SFI1: variants seen among roughly 807,000 people sequenced by gnomAD.
SFI1 encodes SFI1 centrin binding protein.
SFI1 carries 195 observed loss-of-function variants against 207.5 expected under a neutral mutation model. The observed-to-expected ratio is 0.94, with a 90% CI of 0.84 to 1.06. The LOEUF (loss-of-function observed/expected upper bound fraction) is 1.06, where lower values mean the gene tolerates loss of function less well. Ranked by LOEUF, SFI1 falls within the 50% of genes least tolerant of loss-of-function variation. The pLI is 0.00. For missense variants in SFI1, 1,634 were observed against 1,588.0 expected (o/e 1.03, Z -0.49); for synonymous variants, 630 against 598.9 (o/e 1.05, Z -0.76).
At chr22:31,531,543 T>C (rs980452709) in intron 4 of SFI1, among the ~76,000 whole-genome samples, 5 of 152,160 alleles carry the variant, frequency 3.3e-5, no homozygotes, top group Non-Finnish European at 7.3e-5. Context: ...GTGAATCATC[T>C]GAGGTTAGGA....
chr22:31,600,374 A>C (rs1382770309), intron 15 of SFI1, among the ~76,000 whole-genome samples: 3 of 152,042 alleles, frequency 2.0e-5, no homozygotes, highest in Non-Finnish European at 4.4e-5. Context: ...GTGTTTTTAT[A>C]CTAAGGTCAA....
rs1228347191 is a variant in SFI1, at chr22:31,603,755, G to C, written c.1817G>C (p.Arg606Thr). ...CCATCTCCCCACAGGAGGACGGGCA[G>C]GGTGCGGGCAGCAGAATTCCACATG... is the stretch of plus-strand genomic sequence containing the variant. Reference protein sequence around the residue: ...AQGLRTERTGRVRAAEFHMAQ... With the variant: ...AQGLRTERTGTVRAAEFHMAQ... Residue 606 changes from arginine to threonine, a missense_variant, in exon 18 of 33, where the codon AGG becomes ACG. By Grantham distance (71) the Arg-to-Thr change is moderately conservative (BLOSUM62 -1). Coordinates refer to ENST00000400288, the MANE Select transcript of SFI1 (RefSeq NM_001007467.3). The C allele has an allele frequency of 6.5e-7, 1 of 1,541,266 alleles. No individual in the cohort carries two copies. The highest frequency in any genetic ancestry group is 8.6e-7 in the Non-Finnish European group (1 of 1,157,196).
At position 31,575,369 on chromosome 22, in the gene SFI1, G is replaced by A. The variant is rs200708380; in HGVS notation, c.1061G>A (p.Arg354His). ...EKLARKMALR[R>H]AFTHWKHYML... ...CTGGCCAGGAAGATGGCCCTGCGGC[G>A]CGCCTTTACTCACTGGAAACACTGT... Residue 354 changes from arginine to histidine, a missense_variant, in exon 10 of 33, where the codon CGC (arginine) becomes CAC (histidine). Arg to His is a conservative substitution (Grantham distance 29). Coordinates refer to ENST00000400288, the MANE Select transcript of SFI1 (RefSeq NM_001007467.3). 9.6e-5 allele frequency: 155 copies of A among 1,610,716 alleles called. No homozygotes were observed. The highest frequency in any genetic ancestry group is 1.8e-4 in the Middle Eastern group (1 of 5,630).
chr22:31,497,107 C>G (rs1316202965), intron 1 of SFI1: 1 of 152,250 alleles, frequency 6.6e-6, no homozygotes, highest in Non-Finnish European at 1.5e-5. Flanking sequence ...GAAGCCTTCC[C>G]CGCGTGGGAG....
rs572795355 is a variant in SFI1, at chr22:31,557,828, AT to A, written c.662+770del. On this transcript the variant is annotated intron_variant, in intron 7 of 32. Coordinates refer to ENST00000400288, the MANE Select transcript of SFI1 (RefSeq NM_001007467.3). Reference sequence around the variant, plus strand: ...TAACTGGTCTTCTGCATTGCAGCCCATCAGCATTGTAGACATACTGGAAGAA... The same window carrying A: ...TAACTGGTCTTCTGCATTGCAGCCCACAGCATTGTAGACATACTGGAAGAA... Among the ~76,000 whole-genome samples, 4 of 152,174 alleles carry A rather than the reference AT, an allele frequency of 2.6e-5. No homozygotes were observed. In the South Asian group the frequency reaches 8.3e-4, roughly 31 times the overall value.
chr22:31,611,617 C>T, intron 23 of SFI1, 149 bp from the exon 24 acceptor site: 1 of 809,620 alleles, frequency 1.2e-6, no homozygotes, highest in Non-Finnish European at 1.9e-6. Flanking sequence ...GCGGCACTCC[C>T]TGCCTATGCA....
At chr22:31,613,329 G>A in intron 25 of SFI1, 25 bp from the exon 26 acceptor site, 1 of 1,603,148 alleles carries the variant, frequency 6.2e-7, no homozygotes. Context: ...GGAGACCTGG[G>A]CCTCACCTCC....
chr22:31,562,324 A>C (rs1602747053), intron 8 of SFI1, among the ~76,000 whole-genome samples: 2 of 152,056 alleles, frequency 1.3e-5, no homozygotes, highest in Non-Finnish European at 2.9e-5. Context: ...TGAACTTGTA[A>C]GGTCTTCTGA....
intron 2 of SFI1, among the ~76,000 whole-genome samples, chr22:31,515,335 G>T (rs1009786064): frequency 6.6e-6 from 1 of 151,772 alleles, no homozygotes; most frequent in African/African-American, 2.4e-5. Flanking sequence ...GTGTGTGTGT[G>T]TGTGTGTTTC....
intron 15 of SFI1, among the ~76,000 whole-genome samples, chr22:31,598,939 G>A (rs866515842): frequency 3.0e-4 from 44 of 148,712 alleles, no homozygotes; most frequent in Middle Eastern, 3.6e-3. Context: ...GATTACAAGC[G>A]CACACCACCA....
chr22:31,547,719 A>G (rs1386418713), intron 5 of SFI1, among the ~76,000 whole-genome samples: 3 of 151,256 alleles, frequency 2.0e-5, no homozygotes, highest in African/African-American at 7.3e-5. Context: ...GCCTGGGTTC[A>G]AGTGATTCTC....
At chr22:31,496,831 AGGGCGCAGGACG>A in intron 1 of SFI1, among the ~76,000 whole-genome samples, 194 bp downstream of exon 1, 1 of 152,228 alleles carries the variant, frequency 6.6e-6, no homozygotes, top group East Asian at 1.9e-4. Context: ...GTGCGACAAG[AGGGCGCAGGACG>A]GGGCCCGGAG....
chr22:31,545,352 C>T (rs2147858701), intron 4 of SFI1, among the ~76,000 whole-genome samples: 1 of 146,450 alleles, frequency 6.8e-6, no homozygotes, highest in East Asian at 2.0e-4. Context: ...GCAACAAGAG[C>T]AAAACTCCGT....
At chr22:31,594,016 GA>G (rs2066652958) in intron 15 of SFI1, among the ~76,000 whole-genome samples, 1 of 147,444 alleles carries the variant, frequency 6.8e-6, no homozygotes, top group Non-Finnish European at 1.5e-5. Context: ...CAGGGAGAGG[GA>G]GAGGGAGAGG....
intron 1 of SFI1, chr22:31,497,239 A>G (rs2052836617): frequency 6.6e-6 from 1 of 152,224 alleles, no homozygotes; most frequent in Non-Finnish European, 1.5e-5. Context: ...GCTTTATTGC[A>G]CTTCACAGAT....
rs1016340491 is a variant in SFI1 at position 31,604,183 on chromosome 22, T to A, written c.1882-126T>A. Reference sequence around the variant, plus strand: ...TCACAGAACCCCTAAGAAGCACGTATTTATAGATGAGGCCAGAGAGGTTAA... The same window carrying A: ...TCACAGAACCCCTAAGAAGCACGTAATTATAGATGAGGCCAGAGAGGTTAA... On this transcript the variant is annotated intron_variant, in intron 18 of 32. Transcript: ENST00000400288. 3 of 725,922 alleles carry A rather than the reference T, an allele frequency of 4.1e-6. No individual in the cohort carries two copies. In the African/African-American group the frequency reaches 5.3e-5, roughly 13 times the overall value. The allele number at this position is 725,922 out of a possible 1,614,324, so 45.0% of individuals were successfully genotyped here.
rs111785002 is a variant in SFI1, at chr22:31,606,897, C to T, written c.2157+467C>T. Among the ~76,000 whole-genome samples the T allele has an allele frequency of 9.3e-3, 1,418 of 151,954 alleles. 16 individuals carry two copies. The highest frequency in any genetic ancestry group is 0.044 in the Middle Eastern group (13 of 294). On this transcript the variant is annotated intron_variant, in intron 21 of 32. Transcript: ENST00000400288. ...ATTTTTAGTAGAGATGGGGTTTCAC[C>T]ACATTGGCTAGGCTGGTCTTGAACT...
In SFI1 at chr22:31,617,348, AC is replaced by A. The variant is rs1277505265; in HGVS notation, c.3512+271del. ...AGAGGCTCTGCTTCCTATGGGGGGG[AC>A]GATAAAGTTGAGCAAAACTCTAAAA... On this transcript the variant is annotated intron_variant, in intron 31 of 32. Transcript: ENST00000400288. 1.4e-4 allele frequency among the ~76,000 whole-genome samples: 21 copies of A among 149,348 alleles called. No individual in the cohort carries two copies. In the South Asian group the frequency reaches 4.2e-3, roughly 30 times the overall value.
intron 4 of SFI1, among the ~76,000 whole-genome samples, chr22:31,535,546 C>T (rs2058915081): frequency 1.3e-5 from 2 of 151,788 alleles, no homozygotes; most frequent in South Asian, 2.1e-4. Flanking sequence ...CTCTGTTGCC[C>T]AGGCTGGAGT....
Sources: gnomAD v4.1 joint callset for allele counts (sites outside exome capture counted in the v4.1 genomes callset) on GRCh38, gnomAD v4.1.1 for gene constraint, MANE v1.5 for transcripts, NCBI Gene and HGNC (gene_info 2026-07-23, HGNC 2026-07-21) for gene names.